RCAN2: variants seen among roughly 807,000 people sequenced by gnomAD.
RCAN2 encodes calcipressin-2.
Under a neutral mutation model 23.6 loss-of-function variants are expected in RCAN2, and 9 were observed. The ratio of observed to expected loss-of-function variants is 0.38; its 90% CI spans 0.23 to 0.67. RCAN2 has a LOEUF of 0.67. RCAN2 is among the 30% of genes least tolerant of loss of function. The pLI is 0.51. For missense variants in RCAN2, 273 were observed against 302.3 expected, an observed-to-expected ratio of 0.90 and a Z score of 0.72; for synonymous variants, 109 against 115.7, an observed-to-expected ratio of 0.94 and a Z score of 0.37.
chr6:46,459,928 G>A lies in RCAN2; in HGVS notation c.-2-2950C>T, dbSNP rs76595231. ...CACATCGTGATAATTTCAGAGCAAG[G>A]CAATTATGCTTCAGTATTGCCCAAA... On this transcript the variant is annotated intron_variant, in intron 1 of 4. Coordinates refer to ENST00000371374, the MANE Select transcript of RCAN2 (RefSeq NM_001251974.2). Among the ~76,000 whole-genome samples the A allele has an allele frequency of 1.8e-3, 269 of 152,176 alleles. 2 individuals carry two copies. Among genetic ancestry groups the A allele is most frequent in the African/African-American group, 6.1e-3 (253 of 41,516 alleles).
intron 2 of RCAN2, among the ~76,000 whole-genome samples, chr6:46,275,914 G>A (rs1252924034): frequency 1.3e-5 from 2 of 152,156 alleles, no homozygotes; most frequent in Non-Finnish European, 2.9e-5. Flanking sequence ...TTTCCCAAAT[G>A]AAGAATATTT....
chr6:46,446,322 G>T (rs1274314744), intron 2 of RCAN2, among the ~76,000 whole-genome samples: 2 of 145,288 alleles, frequency 1.4e-5, no homozygotes, highest in Admixed American at 6.8e-5. Flanking sequence ...GTGCTGGGGG[G>T]AAACTGCCAA....
intron 2 of RCAN2, among the ~76,000 whole-genome samples, chr6:46,276,949 G>C (rs1454508713): frequency 6.6e-6 from 1 of 152,222 alleles, no homozygotes; most frequent in Non-Finnish European, 1.5e-5. Context: ...GAAACTAGGT[G>C]TGAGTTTTAT....
rs376524527 is a variant in RCAN2, at chr6:46,243,809, C to CAAAA, written c.571+2935_571+2938dup. Among the ~76,000 whole-genome samples the CAAAA allele has an allele frequency of 6.7e-3, 365 of 54,512 alleles. 12 individuals are homozygous for CAAAA. Among genetic ancestry groups the CAAAA allele is most frequent in the East Asian group, 0.016 (24 of 1,508 alleles). The allele number at this position is 54,512 out of a possible 152,430, so 35.8% of individuals were successfully genotyped here. On this transcript the variant is annotated intron_variant, in intron 4 of 4. Transcript: ENST00000371374. ...TGGGTGACAGGGTAAGATTCTGTCT[C>CAAAA]AAAAAAAAAAAAAAAAAAAAAAACC...
intron 2 of RCAN2, among the ~76,000 whole-genome samples, chr6:46,366,375 T>C (rs1765172026): frequency 6.6e-6 from 1 of 152,120 alleles, no homozygotes; most frequent in Non-Finnish European, 1.5e-5. Flanking sequence ...AGAGGCCATT[T>C]CTCTGAGGCC....
intron 2 of RCAN2, among the ~76,000 whole-genome samples, chr6:46,252,461 C>G (rs2150320686): frequency 6.6e-6 from 1 of 152,282 alleles, no homozygotes; most frequent in East Asian, 1.9e-4. Flanking sequence ...ATCTCAAGCT[C>G]TTTGGTTTCA....
At chr6:46,246,615 G>T in intron 4 of RCAN2, 133 bp downstream of exon 4, 1 of 748,926 alleles carries the variant, frequency 1.3e-6, no homozygotes, top group Non-Finnish European at 2.1e-6. Context: ...CCCTCTCATT[G>T]TCCACACAGA....
chr6:46,348,410 T>C (rs1433713426), intron 2 of RCAN2, among the ~76,000 whole-genome samples: 2 of 152,102 alleles, frequency 1.3e-5, no homozygotes, highest in Admixed American at 1.3e-4. Flanking sequence ...TACAGAGCAA[T>C]GGACTCTAGA....
intron 2 of RCAN2, among the ~76,000 whole-genome samples, chr6:46,275,878 A>G (rs1370894557): frequency 1.3e-5 from 2 of 152,358 alleles, no homozygotes; most frequent in Non-Finnish European, 2.9e-5. Flanking sequence ...CTATGAGGTC[A>G]TCACCATTTT....
intron 2 of RCAN2, among the ~76,000 whole-genome samples, chr6:46,273,478 AC>A (rs1289762790): frequency 6.6e-6 from 1 of 152,216 alleles, no homozygotes; most frequent in Non-Finnish European, 1.5e-5. Context: ...CACAGAGGAA[AC>A]ATTACTATTA....
At chr6:46,325,669 TAACG>T in intron 2 of RCAN2, 2 of 1,390,126 alleles carry the variant, frequency 1.4e-6, no homozygotes, top group Non-Finnish European at 1.9e-6. Flanking sequence ...CACAGCAGAG[TAACG>T]AACGGCCCGG....
intron 2 of RCAN2, among the ~76,000 whole-genome samples, chr6:46,258,451 T>C (rs1766995052): frequency 6.6e-6 from 1 of 152,224 alleles, no homozygotes; most frequent in Non-Finnish European, 1.5e-5. Flanking sequence ...GCAATCTTTC[T>C]TCACTAACAA....
chr6:46,339,597 G>A (rs879331709), intron 2 of RCAN2, among the ~76,000 whole-genome samples: 9 of 152,110 alleles, frequency 5.9e-5, no homozygotes, highest in African/African-American at 2.2e-4. Flanking sequence ...GAACAGCTTT[G>A]TGCGTTATGG....
intron 2 of RCAN2, among the ~76,000 whole-genome samples, chr6:46,270,458 G>T (rs1480801986): frequency 6.6e-6 from 1 of 152,168 alleles, no homozygotes; most frequent in Admixed American, 6.5e-5. Flanking sequence ...TCGTGGAGAA[G>T]GTGGGCCCCA....
intron 2 of RCAN2, among the ~76,000 whole-genome samples, chr6:46,317,275 C>A (rs1386664051): frequency 6.6e-6 from 1 of 152,156 alleles, no homozygotes; most frequent in Non-Finnish European, 1.5e-5. Context: ...TCAATTGCCA[C>A]ATTAGATTTA....
intron 2 of RCAN2, among the ~76,000 whole-genome samples, chr6:46,344,477 A>G (rs567265212): frequency 2.0e-4 from 28 of 142,782 alleles, no homozygotes; most frequent in African/African-American, 6.9e-4. Flanking sequence ...ATTATTAAAA[A>G]TACTATTGAT....
At chr6:46,312,826 TAGAG>T (rs907343732) in intron 2 of RCAN2, among the ~76,000 whole-genome samples, 3 of 152,194 alleles carry the variant, frequency 2.0e-5, no homozygotes, top group African/African-American at 7.2e-5. Context: ...CATCTGTTAA[TAGAG>T]AGGTATTTGC....
intron 2 of RCAN2, among the ~76,000 whole-genome samples, chr6:46,325,141 G>A (rs899327792): frequency 3.3e-5 from 5 of 152,140 alleles, no homozygotes; most frequent in Non-Finnish European, 7.4e-5. Flanking sequence ...TACTCAGAAA[G>A]GACTGACCAG....
intron 2 of RCAN2, among the ~76,000 whole-genome samples, chr6:46,388,469 A>C (rs1172264937): frequency 6.6e-6 from 1 of 152,150 alleles, no homozygotes; most frequent in Non-Finnish European, 1.5e-5. Flanking sequence ...AAGGATTATA[A>C]ATCATTCTGC....
Sources: allele counts gnomAD v4.1 joint callset (sites outside exome capture counted in the v4.1 genomes callset), GRCh38; gene constraint gnomAD v4.1.1; transcripts MANE v1.5; gene names NCBI Gene and HGNC (gene_info 2026-07-23, HGNC 2026-07-21).